Variants in KCNQ1 observed in about 807,000 individuals in gnomAD.
KCNQ1 encodes potassium voltage-gated channel subfamily Q member 1.
Under a neutral mutation model 72.4 loss-of-function variants are expected in KCNQ1, and 49 were observed. That is an observed-to-expected ratio of 0.68 (90% CI 0.54 to 0.86). KCNQ1 has a LOEUF of 0.86. KCNQ1 is among the 40% of genes least tolerant of loss of function. The pLI is 0.00. For missense variants in KCNQ1, 790 were observed against 945.1 expected, an observed-to-expected ratio of 0.84 and a Z score of 2.15; for synonymous variants, 450 against 412.6, an observed-to-expected ratio of 1.09 and a Z score of -1.10.
intron 6 of KCNQ1, among the ~76,000 whole-genome samples, chr11:2,578,893 A>G (rs753244454): frequency 2.0e-5 from 3 of 152,174 alleles, no homozygotes; most frequent in Admixed American, 6.5e-5. Flanking sequence ...CTGCCTGGCC[A>G]CTTTCTAATG....
At chr11:2,776,592 A>G (rs1290367797) in intron 13 of KCNQ1, among the ~76,000 whole-genome samples, 1 of 152,094 alleles carries the variant, frequency 6.6e-6, no homozygotes, top group Non-Finnish European at 1.5e-5. Context: ...ACAGACTCAG[A>G]GCAGCTGTGC....
intron 1 of KCNQ1, among the ~76,000 whole-genome samples, chr11:2,455,292 G>GT (rs1846172305): frequency 1.3e-5 from 2 of 151,948 alleles, no homozygotes; most frequent in South Asian, 4.1e-4. Context: ...TAGAGACGGG[G>GT]TTTCACCGTG....
At position 2,482,745 on chromosome 11, in the gene KCNQ1, A is replaced by G. The variant is rs577449590; in HGVS notation, c.386+37261A>G. On this transcript the variant is annotated intron_variant, in intron 1 of 15. Transcript: ENST00000155840. The surrounding 1 kb of genome is among the most constrained non-coding windows in gnomAD (Gnocchi z 5.7). Reference sequence around the variant, plus strand: ...TAGAATATCCTTCCTCCTCTTAGTGAGGGGAGTATGTTTATGTTTGTTGAG... The same window carrying G: ...TAGAATATCCTTCCTCCTCTTAGTGGGGGGAGTATGTTTATGTTTGTTGAG... 2.6e-4 allele frequency among the ~76,000 whole-genome samples: 39 copies of G among 152,128 alleles called. No homozygotes were observed. Among genetic ancestry groups the G allele is most frequent in the Middle Eastern group, 3.4e-3 (1 of 294 alleles).
chr11:2,718,595 G>A (rs1390801839), intron 11 of KCNQ1, among the ~76,000 whole-genome samples: 4 of 152,344 alleles, frequency 2.6e-5, no homozygotes, highest in Non-Finnish European at 4.4e-5. Context: ...GCACATGCAT[G>A]GCCTGGACTG....
intron 11 of KCNQ1, among the ~76,000 whole-genome samples, chr11:2,763,826 C>T (rs1038089316): frequency 7.3e-6 from 1 of 136,908 alleles, no homozygotes; most frequent in Non-Finnish European, 1.6e-5. Context: ...CCTCCCAAAA[C>T]ACTGGGATTG....
intron 1 of KCNQ1, among the ~76,000 whole-genome samples, chr11:2,524,801 G>A (rs940198328): frequency 7.2e-5 from 11 of 152,214 alleles, no homozygotes; most frequent in African/African-American, 2.4e-4. Context: ...TGTTGATAAG[G>A]AAACTGAGGC....
At position 2,769,866 on chromosome 11, in the gene KCNQ1, G is replaced by C. The variant is rs1846562892; in HGVS notation, c.1590+947G>C. 6.6e-6 allele frequency among the ~76,000 whole-genome samples: 1 copy of C among 152,086 alleles called. No homozygotes were observed. Among genetic ancestry groups the C allele is most frequent in the South Asian group, 2.1e-4 (1 of 4,828 alleles). On this transcript the variant is annotated intron_variant, in intron 12 of 15. Transcript: ENST00000155840. The surrounding 1 kb of genome is among the most constrained non-coding windows in gnomAD (Gnocchi z 4.6). Reference sequence around the variant, plus strand: ...TCAGCCACAGCCTCACCAGTCATAAGGCACAGCCCAGGAAGGCTCAGCAAT... The same window carrying C: ...TCAGCCACAGCCTCACCAGTCATAACGCACAGCCCAGGAAGGCTCAGCAAT...
rs144890578 is a variant in KCNQ1, at chr11:2,656,413, C to T, written c.1394-5548C>T. 4.8e-3 allele frequency: 1,901 copies of T among 398,670 alleles called. 18 individuals are homozygous for T. The highest frequency in any genetic ancestry group is 7.5e-3 in the Middle Eastern group (12 of 1,590). The allele number at this position is 398,670 out of a possible 1,614,324, so 24.7% of individuals were successfully genotyped here. A position where few individuals can be genotyped will look rare whatever the true frequency, so the allele number is the denominator to read the frequency against. On this transcript the variant is annotated intron_variant, in intron 10 of 15. Coordinates refer to ENST00000155840, the MANE Select transcript of KCNQ1 (RefSeq NM_000218.3). ...ATGTCATGGGCACAGAGCCCTTTCA[C>T]TCTGAGCCCTTCTCCTGGCTGTGAC...
Position 2,626,143 on chromosome 11 carries a change from A to G in KCNQ1, c.1394-35818A>G, listed in dbSNP as rs990179554. On this transcript the variant is annotated intron_variant, in intron 10 of 15. Transcript: ENST00000155840. The surrounding 1 kb of genome is among the most constrained non-coding windows in gnomAD (Gnocchi z 4.0). ...GTGTCGCATACAAGAAGCACTGCCA[A>G]TGATGTAAAGTTTTTCCCCTATGTT... The G allele has an allele frequency of 1.8e-5, 7 of 398,004 alleles. No homozygotes were observed. The highest frequency in any genetic ancestry group is 6.2e-5 in the African/African-American group (3 of 48,182). The allele number at this position is 398,004 out of a possible 1,614,324, so 24.7% of individuals were successfully genotyped here.
Position 2,750,368 on chromosome 11 carries a change from C to G in KCNQ1, c.1515-18476C>G, listed in dbSNP as rs930177841. Among the ~76,000 whole-genome samples the G allele has an allele frequency of 1.1e-4, 17 of 152,156 alleles. No individual in the cohort carries two copies. Among genetic ancestry groups the G allele is most frequent in the African/African-American group, 3.4e-4 (14 of 41,422 alleles). On this transcript the variant is annotated intron_variant, in intron 11 of 15. Transcript: ENST00000155840. This position sits in a 1 kb window ranked among gnomAD's most constrained non-coding sequence, Gnocchi z 6.3. ...TGGGGGAATCCATGGGAGGCTTTAG[C>G]CCTGCTCTGTGAACTGCTGGGCCTT...
intron 15 of KCNQ1, among the ~76,000 whole-genome samples, chr11:2,823,400 G>GA (rs1260780716): frequency 6.6e-6 from 1 of 152,202 alleles, no homozygotes; most frequent in Admixed American, 6.5e-5. Context: ...GTCACTGCAG[G>GA]AAAAAAGTAT....
At chr11:2,810,308 C>G (rs1345782190) in intron 15 of KCNQ1, among the ~76,000 whole-genome samples, 2 of 152,202 alleles carry the variant, frequency 1.3e-5, no homozygotes, top group Non-Finnish European at 2.9e-5. Context: ...TCTTTGGAAA[C>G]TTTAGTCCTT....
chr11:2,799,109 G>A (rs74467761), intron 15 of KCNQ1, among the ~76,000 whole-genome samples: 2,009 of 152,346 alleles, frequency 0.013, 40 homozygotes, highest in African/African-American at 0.045. Context: ...ACCAGCTGGC[G>A]AGGGGCAAAG....
intron 2 of KCNQ1, among the ~76,000 whole-genome samples, chr11:2,531,078 G>A (rs998278072): frequency 6.6e-6 from 1 of 152,180 alleles, no homozygotes; most frequent in African/African-American, 2.4e-5. Flanking sequence ...CCAAGTTCAG[G>A]TCCTCACTTC....
Position 2,735,840 on chromosome 11 carries a change from CCA to C in KCNQ1, c.1515-33003_1515-33002del, listed in dbSNP as rs1429433698. ...GTCACCTTCTCCTCTCATAAGGACC[CCA>C]GTCAGGTGGGATTAGGGCTCACCCT... On this transcript the variant is annotated intron_variant, in intron 11 of 15. Transcript: ENST00000155840. The surrounding 1 kb of genome is among the most constrained non-coding windows in gnomAD (Gnocchi z 7.7). Among the ~76,000 whole-genome samples, 4 of 152,152 alleles carry C rather than the reference CCA, an allele frequency of 2.6e-5. No homozygotes were observed. The highest frequency in any genetic ancestry group is 2.6e-4 in the Admixed American group (4 of 15,276).
intron 2 of KCNQ1, among the ~76,000 whole-genome samples, chr11:2,530,723 G>A (rs1407466506): frequency 1.3e-5 from 2 of 152,198 alleles, no homozygotes; most frequent in African/African-American, 4.8e-5. Flanking sequence ...ATGTGTATCT[G>A]AGCGTGTACA....
intron 11 of KCNQ1, chr11:2,699,877 C>A (rs574911422): frequency 5.0e-6 from 2 of 396,682 alleles, no homozygotes; most frequent in South Asian, 2.6e-4. Context: ...TGCTGAGGAG[C>A]CCCGGGGAGG....
Position 2,720,971 on chromosome 11 carries a change from T to C in KCNQ1, c.1515-47873T>C, listed in dbSNP as rs1851192400. ...CAGGGGCTCTCAGATTTCCAGGGAC[T>C]CGGGCAGGCACAGCTTTCCAGGCCA... On this transcript the variant is annotated intron_variant, in intron 11 of 15. Transcript: ENST00000155840. This position sits in a 1 kb window ranked among gnomAD's most constrained non-coding sequence, Gnocchi z 5.1. Among the ~76,000 whole-genome samples the C allele has an allele frequency of 6.6e-6, 1 of 152,140 alleles. No individual in the cohort carries two copies. The highest frequency in any genetic ancestry group is 1.5e-5 in the Non-Finnish European group (1 of 68,030).
At chr11:2,555,283 G>T (rs1240625470) in intron 2 of KCNQ1, among the ~76,000 whole-genome samples, 3 of 152,168 alleles carry the variant, frequency 2.0e-5, no homozygotes, top group African/African-American at 7.2e-5. Context: ...TAAAAATAAT[G>T]TCCCCCGCTC....
Sources: gnomAD v4.1 joint callset for allele counts (sites outside exome capture counted in the v4.1 genomes callset) on GRCh38, gnomAD v4.1.1 for gene constraint, Gnocchi (gnomAD v3.1) non-coding constraint, MANE v1.5 for transcripts, NCBI Gene and HGNC (gene_info 2026-07-23, HGNC 2026-07-21) for gene names.